The following PIGP variants were observed in gnomAD, a reference collection of about 807,000 sequenced individuals.
PIGP encodes phosphatidylinositol N-acetylglucosaminyltransferase subunit P.
A neutral mutation model predicts 16.9 loss-of-function variants in PIGP; 12 were observed. The ratio of observed to expected loss-of-function variants is 0.71; its 90% confidence interval spans 0.46 to 1.15. PIGP has a LOEUF of 1.15. Ranked by LOEUF, PIGP falls within the 50% of genes most tolerant of loss-of-function variation. The pLI is 0.00. For missense variants in PIGP, 159 were observed against 153.5 expected (o/e 1.04, Z -0.19); for synonymous variants, 57 against 54.7 (o/e 1.04, Z -0.18).
rs760394467 is a variant in PIGP at position 37,072,468 on chromosome 21, G to C, written c.48C>G (p.Gly16=). 1 of 1,614,112 alleles carries C rather than the reference G, an allele frequency of 6.2e-7. No individual in the cohort carries two copies. The highest frequency in any genetic ancestry group is 8.5e-7 in the Non-Finnish European group (1 of 1,180,044). ...ATTGGGAGCTTAAGAAAAGAACAAA[G>C]CCATAAATCGCTCTTTCTGGCAATG... The part of the protein sequence containing the change: ...PSPLPERAIY[G]FVLFLSSQFG... The change falls in exon 2 of 5, where the codon GGC becomes GGG. Residue 16 remains glycine (G), a synonymous_variant. Coordinates refer to ENST00000360525, the MANE Select transcript of PIGP (RefSeq NM_153682.3).
chr21:37,069,653 G>C (rs199869868), intron 2 of PIGP, 29 bp from the exon 3 acceptor site: 11 of 1,436,184 alleles, frequency 7.7e-6, no homozygotes, highest in Admixed American at 4.1e-5. Flanking sequence ...AAAAAAAGAG[G>C]AAGAGAAGTC....
At chr21:37,069,769 A>G in intron 2 of PIGP, 145 bp from the exon 3 acceptor site, 1 of 541,552 alleles carries the variant, frequency 1.8e-6, no homozygotes. Context: ...TCCTCCTTTC[A>G]GTTCTTCTAG....
intron 3 of PIGP, among the ~76,000 whole-genome samples, chr21:37,068,925 A>C (rs747662845): frequency 6.6e-6 from 1 of 152,186 alleles, no homozygotes; most frequent in Non-Finnish European, 1.5e-5. Flanking sequence ...TCCCACACTC[A>C]GACTTAGTGG....
chr21:37,071,442 C>A (rs1393996550), intron 2 of PIGP, among the ~76,000 whole-genome samples: 1 of 152,218 alleles, frequency 6.6e-6, no homozygotes, highest in Non-Finnish European at 1.5e-5. Flanking sequence ...ATCATTATCA[C>A]TACCCTTTTA....
intron 4 of PIGP, among the ~76,000 whole-genome samples, chr21:37,066,954 A>G (rs2069913405): frequency 6.7e-6 from 1 of 148,536 alleles, no homozygotes; most frequent in Non-Finnish European, 1.5e-5. Flanking sequence ...TTCTCTTAGT[A>G]GCTTCTTTTT....
At chr21:37,071,545 C>T (rs1246054120) in intron 2 of PIGP, among the ~76,000 whole-genome samples, 2 of 152,234 alleles carry the variant, frequency 1.3e-5, no homozygotes, top group Non-Finnish European at 2.9e-5. Context: ...TCAGTTGTAA[C>T]TTCTTCACTT....
chr21:37,071,177 T>C (rs11702020), intron 2 of PIGP, among the ~76,000 whole-genome samples: 23,017 of 152,228 alleles, frequency 0.15, 1,888 homozygotes, highest in African/African-American at 0.19. Flanking sequence ...CTAACACTTA[T>C]TAAGTCCCTA....
chr21:37,066,037 T>C (rs2069897202), intron 4 of PIGP, among the ~76,000 whole-genome samples: 1 of 151,870 alleles, frequency 6.6e-6, no homozygotes, highest in Admixed American at 6.6e-5. Flanking sequence ...GAGCCGAGAT[T>C]GCGCCATTGC....
At chr21:37,070,639 C>T (rs1024476875) in intron 2 of PIGP, among the ~76,000 whole-genome samples, 5 of 152,198 alleles carry the variant, frequency 3.3e-5, no homozygotes, top group African/African-American at 7.2e-5. Flanking sequence ...TATCTCCCCC[C>T]GGCATGAGAA....
intron 2 of PIGP, among the ~76,000 whole-genome samples, chr21:37,071,547 T>C (rs972499580): frequency 6.6e-6 from 1 of 152,226 alleles, no homozygotes; most frequent in African/African-American, 2.4e-5. Flanking sequence ...AGTTGTAACT[T>C]CTTCACTTCA....
Position 37,072,418 on chromosome 21 carries a change from T to A in PIGP, c.82+16A>T, listed in dbSNP as rs947018276. ...GCCAGAAAAAGCCCCTGGCCATCCA[T>A]CAGGAAAGTACTTACTGAAGCCAAA... is the stretch of plus-strand genomic sequence containing the variant. On this transcript the variant is annotated intron_variant, in intron 2 of 4. Transcript: ENST00000360525. The A allele has an allele frequency of 6.2e-7, 1 of 1,613,778 alleles. No homozygotes were observed. The highest frequency in any genetic ancestry group is 8.5e-7 in the Non-Finnish European group (1 of 1,179,862).
Position 37,065,641 on chromosome 21 carries a change from T to C in PIGP, c.346A>G (p.Ile116Val). ...AAGAACATTTGGTTTACTTCACTAATAGAAATATCTCTTAAGGCTGGAATG... is the reference window on the plus strand; with the variant it reads ...AAGAACATTTGGTTTACTTCACTAACAGAAATATCTCTTAAGGCTGGAATG... ...EAIPALRDIS[I>V]SEVNQMFFLA... is the part of the protein sequence containing the mutation. Residue 116 changes from isoleucine (I) to valine (V), a missense_variant, in exon 5 of 5, where the codon ATT becomes GTT. Physicochemically the swap from Ile to Val is conservative, Grantham distance 29. Coordinates refer to ENST00000360525, the MANE Select transcript of PIGP (RefSeq NM_153682.3). The C allele has an allele frequency of 6.2e-7, 1 of 1,613,334 alleles. No homozygotes were observed. The highest frequency in any genetic ancestry group is 8.5e-7 in the Non-Finnish European group (1 of 1,179,460).
chr21:37,067,862 C>T (rs926177424), intron 3 of PIGP, among the ~76,000 whole-genome samples: 1 of 149,640 alleles, frequency 6.7e-6, no homozygotes, highest in African/African-American at 2.5e-5. Flanking sequence ...TCTTGTACAA[C>T]TTTTTTTTTT....
intron 3 of PIGP, chr21:37,069,308 T>C: frequency 3.7e-6 from 1 of 269,124 alleles, no homozygotes; most frequent in East Asian, 6.7e-5. Flanking sequence ...TTTTTTTTTT[T>C]TCCTGTAGGG....
intron 4 of PIGP, among the ~76,000 whole-genome samples, chr21:37,066,423 AG>A (rs1401304074): frequency 6.6e-6 from 1 of 152,264 alleles, no homozygotes; most frequent in Non-Finnish European, 1.5e-5. Context: ...TAAAAATAAT[AG>A]AATTGATTTT....
At chr21:37,070,018 C>A (rs2069974916) in intron 2 of PIGP, among the ~76,000 whole-genome samples, 1 of 152,156 alleles carries the variant, frequency 6.6e-6, no homozygotes, top group Non-Finnish European at 1.5e-5. Context: ...TACCCTAGTT[C>A]TCATCCACCA....
chr21:37,072,664 C>T, intron 1 of PIGP, 127 bp from the exon 2 acceptor site: 1 of 1,523,432 alleles, frequency 6.6e-7, no homozygotes, highest in Admixed American at 1.7e-5. Context: ...CCTCCGTCCG[C>T]AACCCGCGCC....
At chr21:37,072,560 G>T (rs767735120) in intron 1 of PIGP, 23 bp from the exon 2 acceptor site, 1 of 1,614,224 alleles carries the variant, frequency 6.2e-7, no homozygotes, top group South Asian at 1.1e-5. Flanking sequence ...AACACAATCA[G>T]CGTCAGCGAT....
intron 2 of PIGP, 41 bp from the exon 3 acceptor site, chr21:37,069,665 G>C (rs2146809319): frequency 2.3e-6 from 3 of 1,299,756 alleles, no homozygotes; most frequent in Non-Finnish European, 3.2e-6. Context: ...AGAGAAGTCA[G>C]TAAGACATAC....
Sources: allele counts gnomAD v4.1 joint callset (sites outside exome capture counted in the v4.1 genomes callset), GRCh38; gene constraint gnomAD v4.1.1; transcripts MANE v1.5; gene names NCBI Gene and HGNC (gene_info 2026-07-23, HGNC 2026-07-21).